TBC1D15: variants seen among roughly 807,000 people sequenced by gnomAD.
TBC1D15 encodes the protein GAP for RAB7.
A neutral mutation model predicts 95.4 loss-of-function variants in TBC1D15; 39 were observed. The observed-to-expected ratio is 0.41, with a 90% CI of 0.32 to 0.53. The LOEUF (loss-of-function observed/expected upper bound fraction) is 0.53. TBC1D15 is among the 20% of genes least tolerant of loss of function. The pLI is 0.29. For synonymous variants in TBC1D15, 258 were observed against 261.3 expected, an observed-to-expected ratio of 0.99 and a Z score of 0.12; for missense variants, 733 against 794.3, an observed-to-expected ratio of 0.92 and a Z score of 0.93.
chr12:71,892,147 T>C (rs1473336797), intron 5 of TBC1D15, among the ~76,000 whole-genome samples: 1 of 152,074 alleles, frequency 6.6e-6, no homozygotes, highest in Non-Finnish European at 1.5e-5. Context: ...TTTTAAAATG[T>C]ATTTTTTTTC....
chr12:71,898,953 G>A (rs529611044), intron 10 of TBC1D15, among the ~76,000 whole-genome samples: 8 of 152,220 alleles, frequency 5.3e-5, no homozygotes, highest in African/African-American at 1.9e-4. Context: ...TGATTAAGGC[G>A]AAAGTTTGGG....
intron 1 of TBC1D15, among the ~76,000 whole-genome samples, chr12:71,844,406 C>G (rs1182121040): frequency 1.3e-5 from 2 of 152,306 alleles, no homozygotes; most frequent in East Asian, 3.9e-4. Context: ...ATGCAGTGAA[C>G]TACTGCTCTG....
At chr12:71,841,717 T>C (rs944944996) in intron 1 of TBC1D15, among the ~76,000 whole-genome samples, 1 of 152,196 alleles carries the variant, frequency 6.6e-6, no homozygotes, top group Non-Finnish European at 1.5e-5. Context: ...CTTGGCTGAT[T>C]TTACTCCTTT....
At chr12:71,866,934 T>C (rs1891629644) in intron 1 of TBC1D15, among the ~76,000 whole-genome samples, 1 of 152,230 alleles carries the variant, frequency 6.6e-6, no homozygotes, top group African/African-American at 2.4e-5. Flanking sequence ...GTTGTGATTT[T>C]TGTATTTTAA....
At position 71,923,506 on chromosome 12, in the gene TBC1D15, T is replaced by G; in HGVS notation, c.*302T>G. 3.8e-6 allele frequency: 1 copy of G among 266,092 alleles called. No individual in the cohort carries two copies. The highest frequency in any genetic ancestry group is 7.2e-6 in the Non-Finnish European group (1 of 139,276). 16.5% of individuals were successfully genotyped at this position (266,092 alleles called of 1,614,324 possible). ...TTGCAAGTGGATGAGTTGGAAATTA[T>G]GCACTTTGAAAAACATTCACTTTGT... On this transcript the variant is annotated 3_prime_UTR_variant, in exon 17 of 17. Coordinates refer to ENST00000485960, the MANE Select transcript of TBC1D15 (RefSeq NM_001146213.3).
At chr12:71,873,133 C>T in intron 3 of TBC1D15, 130 bp downstream of exon 3, 1 of 581,912 alleles carries the variant, frequency 1.7e-6, no homozygotes, top group Admixed American at 3.3e-5. Context: ...AGCATATTTA[C>T]AGAGTTGTGC....
intron 11 of TBC1D15, among the ~76,000 whole-genome samples, chr12:71,908,310 T>C (rs1462671662): frequency 2.0e-5 from 3 of 152,212 alleles, no homozygotes; most frequent in African/African-American, 7.2e-5. Flanking sequence ...AACCAACAGC[T>C]TGTCTAACCA....
At chr12:71,855,667 CAAAAA>C (rs1161851924) in intron 1 of TBC1D15, among the ~76,000 whole-genome samples, 1 of 41,358 alleles carries the variant, frequency 2.4e-5, no homozygotes, top group Non-Finnish European at 5.4e-5. Flanking sequence ...GACTCCATCT[CAAAAA>C]AAAAAAAAAA....
At chr12:71,849,720 C>T (rs1011970943) in intron 1 of TBC1D15, 28 of 549,736 alleles carry the variant, frequency 5.1e-5, no homozygotes, top group African/African-American at 9.6e-5. Context: ...TTCAAAGACT[C>T]GGGGGTCACT....
chr12:71,877,629 A>G (rs781412134), intron 3 of TBC1D15, among the ~76,000 whole-genome samples: 38 of 144,264 alleles, frequency 2.6e-4, no homozygotes, highest in Admixed American at 1.7e-3. Context: ...TCACTTTTCT[A>G]TTGCCTTTTT....
intron 14 of TBC1D15, 76 bp from the exon 15 acceptor site, chr12:71,920,655 T>G: frequency 9.3e-7 from 1 of 1,080,656 alleles, no homozygotes; most frequent in Non-Finnish European, 1.4e-6. Flanking sequence ...AGTCATTCAG[T>G]GTTCAGAATT....
At chr12:71,884,711 C>G in intron 4 of TBC1D15, 100 bp from the exon 5 acceptor site, 1 of 1,045,432 alleles carries the variant, frequency 9.6e-7, no homozygotes. Context: ...TACTGATTCC[C>G]TGGGTTCAAC....
intron 1 of TBC1D15, among the ~76,000 whole-genome samples, chr12:71,842,138 C>T (rs1029680297): frequency 6.6e-6 from 1 of 152,160 alleles, no homozygotes; most frequent in Non-Finnish European, 1.5e-5. Flanking sequence ...CTCTCAGTGT[C>T]TCCACCTAGG....
chr12:71,872,265 C>T, intron 2 of TBC1D15, 97 bp downstream of exon 2: 1 of 620,530 alleles, frequency 1.6e-6, no homozygotes, highest in Non-Finnish European at 2.6e-6. Context: ...GTGTAAGATA[C>T]AATTATGTAA....
intron 4 of TBC1D15, 152 bp downstream of exon 4, chr12:71,880,759 C>A: frequency 1.2e-6 from 1 of 840,100 alleles, no homozygotes; most frequent in South Asian, 3.8e-5. Context: ...GTTATATTCC[C>A]TTTTCATCTC....
In TBC1D15 at chr12:71,849,500, C is replaced by T. The variant is rs1487538766; in HGVS notation, c.30+9689C>T. On this transcript the variant is annotated intron_variant, in intron 1 of 16. Transcript: ENST00000485960. The stretch of plus-strand genomic sequence containing the variant: ...AAGCAACTTCCATTACTCCAAAGAG[C>T]GAAAGAGAGAAGGTTCTTATGGTCA... 4.0e-5 allele frequency: 31 copies of T among 779,670 alleles called. 1 individual carries two copies. The Admixed American group carries it at 4.0e-4, about 10-fold the overall frequency. 48.3% of individuals were successfully genotyped at this position (779,670 alleles called of 1,614,324 possible).
Position 71,856,068 on chromosome 12 carries a change from C to G in TBC1D15, c.31-16002C>G, listed in dbSNP as rs1344970650. On this transcript the variant is annotated intron_variant, in intron 1 of 16. Transcript: ENST00000485960. ...CCCTGCCCCCATACTGCCAAACCAC[C>G]CAACTTGATTTTGACACTATGTATC... Among the ~76,000 whole-genome samples, 4 of 152,046 alleles carry G rather than the reference C, an allele frequency of 2.6e-5. No individual in the cohort carries two copies. The East Asian group carries it at 7.7e-4, about 29-fold the overall frequency.
intron 1 of TBC1D15, among the ~76,000 whole-genome samples, chr12:71,870,403 C>G (rs1009513695): frequency 6.6e-6 from 1 of 152,168 alleles, no homozygotes; most frequent in African/African-American, 2.4e-5. Flanking sequence ...CATCCTATCC[C>G]CATGTAAGCT....
intron 6 of TBC1D15, among the ~76,000 whole-genome samples, chr12:71,894,102 C>T (rs771946308): frequency 6.6e-6 from 1 of 152,020 alleles, no homozygotes; most frequent in Admixed American, 6.6e-5. Context: ...GTTTGGGCTT[C>T]AGAAGTTACC....
Sources: gnomAD v4.1 joint callset for allele counts (sites outside exome capture counted in the v4.1 genomes callset) on GRCh38, gnomAD v4.1.1 for gene constraint, MANE v1.5 for transcripts, NCBI Gene and HGNC (gene_info 2026-07-23, HGNC 2026-07-21) for gene names.